The following SQSTM1 variants were observed in gnomAD, a reference collection of about 807,000 sequenced individuals.
SQSTM1 encodes the protein sequestosome-1.
In SQSTM1, 36 loss-of-function variants were observed where a neutral mutation model predicts 45.1. The observed-to-expected ratio is 0.80, with a 90% CI of 0.61 to 1.05. SQSTM1 has a LOEUF of 1.05. SQSTM1 is among the 50% of genes least tolerant of loss of function. The probability of loss-of-function intolerance (pLI) is 0.00; values close to 1 mark genes in which losing one functional copy is unlikely to be tolerated. For synonymous variants in SQSTM1, 290 were observed against 244.3 expected (o/e 1.19, Z -1.74); for missense variants, 617 against 607.1 (o/e 1.02, Z -0.17).
At chr5:179,814,586 T>TAA (rs1316927666), upstream of SQSTM1, among the ~76,000 whole-genome samples, 3 of 152,202 alleles carry the variant, frequency 2.0e-5, no homozygotes, top group African/African-American at 7.2e-5. Context: ...GCTACAGGCA[T>TAA]AACCATGTGG....
upstream of SQSTM1, chr5:179,820,480 C>T: frequency 6.4e-6 from 1 of 156,310 alleles, no homozygotes; most frequent in South Asian, 1.9e-4. Flanking sequence ...GCCCACTGGG[C>T]GACCTAGCAG....
chr5:179,836,405 A>G (rs1027965196), intron 7 of SQSTM1, 31 bp from the exon 8 acceptor site: 50 of 1,613,254 alleles, frequency 3.1e-5, no homozygotes, highest in Non-Finnish European at 4.1e-5. Context: ...GCTCAGCACC[A>G]CTCCTCATGG....
chr5:179,820,861 G>A (rs2113478945), upstream of SQSTM1: 6 of 1,323,226 alleles, frequency 4.5e-6, no homozygotes, highest in South Asian at 3.3e-5. Context: ...GCGGGGCGGG[G>A]CCTCCGCGTT....
intron 7 of SQSTM1, among the ~76,000 whole-genome samples, chr5:179,834,703 C>T (rs548012913): frequency 1.3e-5 from 2 of 152,194 alleles, no homozygotes; most frequent in Admixed American, 1.3e-4. Context: ...GGACACAGCA[C>T]ATGTTTCAGA....
upstream of SQSTM1, among the ~76,000 whole-genome samples, chr5:179,815,077 A>T (rs1204869317): frequency 6.6e-6 from 1 of 152,084 alleles, no homozygotes; most frequent in African/African-American, 2.4e-5. Flanking sequence ...TCTGGCTTGT[A>T]TTGTGACTGT....
At position 179,806,502 on chromosome 5, in the gene SQSTM1, G is replaced by A. The variant is rs1382686072; in HGVS notation, c.-246G>A. ...TCGCGCTCACCTTTCTGGCCGCTGA[G>A]TGCCGCGTACCAGGACAGCGAGAGG... On this transcript the variant is annotated 5_prime_UTR_variant, in exon 1 of 6. Transcript: ENST00000514093. This position sits in a 1 kb window ranked among gnomAD's most constrained non-coding sequence, Gnocchi z 4.6. The A allele has an allele frequency of 7.6e-7, 1 of 1,321,790 alleles. No homozygotes were observed. Among genetic ancestry groups the A allele is most frequent in the Non-Finnish European group, 9.9e-7 (1 of 1,010,262 alleles). The allele number at this position is 1,321,790 out of a possible 1,614,324, so 81.9% of individuals were successfully genotyped here.
At chr5:179,809,208 G>C (rs1757316601) in intron 1 of SQSTM1, among the ~76,000 whole-genome samples, 3 of 145,438 alleles carry the variant, frequency 2.1e-5, no homozygotes, top group East Asian at 4.0e-4. Context: ...GCCCAGGTTG[G>C]AGTGCAGTGG....
At chr5:179,833,898 T>A in intron 7 of SQSTM1, 116 bp downstream of exon 7, 1 of 1,180,918 alleles carries the variant, frequency 8.5e-7, no homozygotes, top group Non-Finnish European at 1.2e-6. Flanking sequence ...TGCAGGGCTG[T>A]CTGTAGGTGT....
At chr5:179,808,756 C>G (rs952191312) in intron 1 of SQSTM1, among the ~76,000 whole-genome samples, 3 of 152,136 alleles carry the variant, frequency 2.0e-5, no homozygotes, top group African/African-American at 7.2e-5. Flanking sequence ...AGTTCAAGAC[C>G]AGCCTGGGCA....
At chr5:179,813,862 A>G (rs1757505810) in intron 2 of SQSTM1, among the ~76,000 whole-genome samples, 1 of 152,232 alleles carries the variant, frequency 6.6e-6, no homozygotes. Flanking sequence ...ACTCATCCCC[A>G]GACATGGCAC....
rs1758558921 is a variant in SQSTM1 at position 179,836,439 on chromosome 5, CT to C, written c.1170del (p.Asp391ThrfsTer4). 4.3e-6 allele frequency: 7 copies of C among 1,614,188 alleles called. No individual in the cohort carries two copies. Among genetic ancestry groups the C allele is most frequent in the Non-Finnish European group, 5.1e-6 (6 of 1,180,022 alleles). On this transcript the variant is annotated frameshift_variant, in exon 8 of 8. Transcript: ENST00000389805. LOFTEE classifies it high-confidence loss of function. ...AALYPHLPPE[A>X]DPRLIESLSQ... ...GGCTTCCTTACTGTTTCGGCAGAGGCTGACCCGCGGCTGATTGAGTCCCTCT... is the reference window on the plus strand; with the variant it reads ...GGCTTCCTTACTGTTTCGGCAGAGGCGACCCGCGGCTGATTGAGTCCCTCT...
chr5:179,828,950 CAG>C (rs1758106230), intron 5 of SQSTM1, among the ~76,000 whole-genome samples: 2 of 151,938 alleles, frequency 1.3e-5, no homozygotes, highest in African/African-American at 4.8e-5. Context: ...TGTGCCAGAA[CAG>C]GGCATCCTGG....
intron 5 of SQSTM1, among the ~76,000 whole-genome samples, chr5:179,830,730 A>C (rs943865126): frequency 1.3e-5 from 2 of 151,582 alleles, no homozygotes; most frequent in South Asian, 2.1e-4. Context: ...GCTAATTTTT[A>C]TATTTTTAGT....
upstream of SQSTM1, among the ~76,000 whole-genome samples, chr5:179,816,631 C>CT (rs1757587518): frequency 6.6e-6 from 1 of 152,230 alleles, no homozygotes; most frequent in African/African-American, 2.4e-5. Context: ...ATGCCGACCT[C>CT]TCCCCCACCT....
At chr5:179,815,139 G>A (rs541655672), upstream of SQSTM1, among the ~76,000 whole-genome samples, 13 of 152,218 alleles carry the variant, frequency 8.5e-5, no homozygotes, top group Non-Finnish European at 1.8e-4. Context: ...AGAGCAGGTC[G>A]GGTGTGGTGG....
rs1010468169 is a variant in SQSTM1, at chr5:179,825,285, C to G, written c.754+59C>G. 3.6e-6 allele frequency: 5 copies of G among 1,390,768 alleles called. No homozygotes were observed. In the African/African-American group the frequency reaches 7.1e-5, roughly 20 times the overall value. 86.2% of individuals were successfully genotyped at this position (1,390,768 alleles called of 1,614,324 possible). ...CTCAGCCTGCACTTTATGTAACTTT[C>G]ACCTGGAATACTGCAAAGGAATGGG... On this transcript the variant is annotated intron_variant, in intron 5 of 7. Coordinates refer to ENST00000389805, the MANE Select transcript of SQSTM1 (RefSeq NM_003900.5).
intron 5 of SQSTM1, among the ~76,000 whole-genome samples, chr5:179,831,474 C>T (rs1371652497): frequency 6.6e-6 from 1 of 152,210 alleles, no homozygotes; most frequent in Admixed American, 6.5e-5. Context: ...CCAGCCTGGC[C>T]AACATGGTGA....
intron 1 of SQSTM1, chr5:179,807,958 G>C (rs947629724): frequency 2.0e-5 from 3 of 152,294 alleles, no homozygotes; most frequent in African/African-American, 7.2e-5. Flanking sequence ...GCCCATTTGC[G>C]TTCTAATTTC....
At chr5:179,806,405 C>G (rs1234871201), upstream of SQSTM1, 1 of 897,908 alleles carries the variant, frequency 1.1e-6, no homozygotes, top group African/African-American at 1.8e-5. The surrounding 1 kb of genome is among the most constrained non-coding windows in gnomAD (Gnocchi z 4.6). Context: ...CTTCCGGCCG[C>G]CTTCCGCGGC....
Sources: gnomAD v4.1 joint callset for allele counts (sites outside exome capture counted in the v4.1 genomes callset) on GRCh38, gnomAD v4.1.1 for gene constraint, Gnocchi (gnomAD v3.1) non-coding constraint, MANE v1.5 for transcripts, NCBI Gene and HGNC (gene_info 2026-07-23, HGNC 2026-07-21) for gene names.